The following ASAP1 variants were observed in gnomAD, a reference collection of about 807,000 sequenced individuals.
ASAP1 encodes the protein arf-GAP with SH3 domain, ANK repeat and PH domain-containing protein 1.
In ASAP1, 43 loss-of-function variants were observed where a neutral mutation model predicts 145.2. That is an observed-to-expected ratio of 0.30 (90% confidence interval 0.23 to 0.38). The LOEUF (loss-of-function observed/expected upper bound fraction) is 0.38. Among genes scored for constraint, ASAP1 ranks in the 10% least tolerant of loss-of-function variants. ASAP1 has a pLI of 1.00. For missense variants in ASAP1, 1,018 were observed against 1,355.3 expected, an observed-to-expected ratio of 0.75 and a Z score of 3.91; for synonymous variants, 546 against 515.5, an observed-to-expected ratio of 1.06 and a Z score of -0.80.
intron 3 of ASAP1, among the ~76,000 whole-genome samples, chr8:130,267,030 C>A (rs779992452): frequency 5.3e-5 from 8 of 151,040 alleles, no homozygotes; most frequent in Non-Finnish European, 1.0e-4. Context: ...ACCGCCGCCA[C>A]CCACCCCCTC....
At chr8:130,398,139 A>G (rs115252867) in intron 2 of ASAP1, among the ~76,000 whole-genome samples, 2 of 152,368 alleles carry the variant, frequency 1.3e-5, no homozygotes, top group African/African-American at 4.8e-5. Flanking sequence ...TTATTGACAT[A>G]TAAGATACAT....
chr8:130,167,138 T>C (rs1415941936), intron 11 of ASAP1, among the ~76,000 whole-genome samples: 2 of 151,934 alleles, frequency 1.3e-5, no homozygotes, highest in South Asian at 2.1e-4. Context: ...ACTCCATCTC[T>C]ACAAAAAATA....
chr8:130,283,465 A>G (rs1481370147), intron 3 of ASAP1, among the ~76,000 whole-genome samples: 4 of 151,988 alleles, frequency 2.6e-5, no homozygotes, highest in Non-Finnish European at 4.4e-5. Flanking sequence ...CTGTAGTCCC[A>G]GCTACTCAGG....
chr8:130,412,910 T>C (rs911519756), intron 1 of ASAP1, among the ~76,000 whole-genome samples: 1 of 152,140 alleles, frequency 6.6e-6, no homozygotes, highest in African/African-American at 2.4e-5. Context: ...TCCCAAAGTG[T>C]GAGGATTACA....
chr8:130,358,722 G>GCGCCCCGCCCCCGGCCCGGCCCCCGCCC lies in ASAP1; in HGVS notation c.60-607_60-580dup, dbSNP rs1826526449. Among the ~76,000 whole-genome samples, 3 of 13,008 alleles carry GCGCCCCGCCCCCGGCCCGGCCCCCGCCC rather than the reference G, an allele frequency of 2.3e-4. No homozygotes were observed. The highest frequency in any genetic ancestry group is 9.5e-4 in the African/African-American group (3 of 3,168). The allele number at this position is 13,008 out of a possible 152,430, so 8.5% of individuals were successfully genotyped here. On this transcript the variant is annotated intron_variant, in intron 2 of 29. Coordinates refer to ENST00000518721, the MANE Select transcript of ASAP1 (RefSeq NM_018482.4). This position sits in a 1 kb window ranked among gnomAD's most constrained non-coding sequence, Gnocchi z 4.1. Reference sequence around the variant, plus strand: ...CCGCCCCCCCGGTCCCTCCCCGCCCGCGCCCCGCCCCCGGCCCGGCCCCCG... The same window carrying GCGCCCCGCCCCCGGCCCGGCCCCCGCCC: ...CCGCCCCCCCGGTCCCTCCCCGCCCGCGCCCCGCCCCCGGCCCGGCCCCCGCCCCGCCCCGCCCCCGGCCCGGCCCCCG...
At chr8:130,271,785 G>C (rs925714010) in intron 3 of ASAP1, among the ~76,000 whole-genome samples, 2 of 152,056 alleles carry the variant, frequency 1.3e-5, no homozygotes, top group South Asian at 4.1e-4. Context: ...AGTCATCCCT[G>C]CTTCAAAAAT....
intron 3 of ASAP1, among the ~76,000 whole-genome samples, chr8:130,294,708 T>C (rs1822155626): frequency 6.6e-6 from 1 of 152,230 alleles, no homozygotes; most frequent in African/African-American, 2.4e-5. Flanking sequence ...GTCTTTCTCT[T>C]GGCTAATGAA....
chr8:130,230,936 C>T (rs532560144), intron 4 of ASAP1, among the ~76,000 whole-genome samples: 2 of 152,208 alleles, frequency 1.3e-5, no homozygotes, highest in Non-Finnish European at 2.9e-5. Flanking sequence ...GGTAAGACAC[C>T]GAACCTAATT....
At chr8:130,230,629 AATCTGTTTAG>A (rs138154604) in intron 4 of ASAP1, among the ~76,000 whole-genome samples, 2,291 of 152,230 alleles carry the variant, frequency 0.015, 37 homozygotes, top group East Asian at 0.026. Context: ...GGCCCAAAGA[AATCTGTTTAG>A]ATTTTGCTCA....
chr8:130,107,735 G>A (rs1210691888), intron 24 of ASAP1, among the ~76,000 whole-genome samples: 2 of 151,894 alleles, frequency 1.3e-5, no homozygotes, highest in African/African-American at 4.8e-5. Flanking sequence ...TTTTAGTAGA[G>A]ATAGGGTTTC....
At chr8:130,072,830 C>CGCGCGCGCGCGG (rs1448184178) in intron 27 of ASAP1, among the ~76,000 whole-genome samples, 5 of 31,928 alleles carry the variant, frequency 1.6e-4, no homozygotes, top group South Asian at 2.2e-3. Context: ...TGTGTGCGCG[C>CGCGCGCGCGCGG]GGGGGGGGGC....
At chr8:130,269,024 T>C (rs913630579) in intron 3 of ASAP1, among the ~76,000 whole-genome samples, 4 of 152,218 alleles carry the variant, frequency 2.6e-5, no homozygotes, top group Admixed American at 2.6e-4. Flanking sequence ...CTGTGGCTTG[T>C]ACATAAAACC....
chr8:130,131,953 T>C (rs964581498), intron 15 of ASAP1, among the ~76,000 whole-genome samples: 11 of 152,188 alleles, frequency 7.2e-5, no homozygotes, highest in Admixed American at 5.2e-4. Flanking sequence ...AAATAAAATA[T>C]TGAAGATCTG....
intron 3 of ASAP1, among the ~76,000 whole-genome samples, chr8:130,343,423 G>A (rs1433844680): frequency 6.6e-6 from 1 of 152,104 alleles, no homozygotes; most frequent in African/African-American, 2.4e-5. Flanking sequence ...AACTTATAAT[G>A]CACCAACACA....
chr8:130,232,170 A>G (rs1205929854), intron 4 of ASAP1, among the ~76,000 whole-genome samples: 2 of 152,222 alleles, frequency 1.3e-5, no homozygotes, highest in Non-Finnish European at 2.9e-5. Context: ...ATCACATGGC[A>G]TCACCTCTAC....
intron 27 of ASAP1, among the ~76,000 whole-genome samples, chr8:130,062,562 A>G (rs899723827): frequency 6.6e-6 from 1 of 152,190 alleles, no homozygotes; most frequent in Non-Finnish European, 1.5e-5. Context: ...GCTAGGGGGA[A>G]TCCCTGAGGT....
Position 130,145,103 on chromosome 8 carries a change from G to C in ASAP1, c.1080+7633C>G, listed in dbSNP as rs2097624909. ...ATGTGCTAGATAGTCATCCACGCAG[G>C]CATTTCTGCAAATATGTATTAAGTA... On this transcript the variant is annotated intron_variant, in intron 13 of 29. Transcript: ENST00000518721. 1.3e-5 allele frequency among the ~76,000 whole-genome samples: 2 copies of C among 152,142 alleles called. 1 individual carries two copies. Among genetic ancestry groups the C allele is most frequent in the South Asian group, 4.1e-4 (2 of 4,834 alleles).
In ASAP1 at chr8:130,318,169, C is replaced by T. The variant is rs533210131; in HGVS notation, c.186+39848G>A. ...CAGTCACAGCTCATTGTAGCCTTGACCGCCCAGGCTCAAGTAATCCTCCCA... is the reference window on the plus strand; with the variant it reads ...CAGTCACAGCTCATTGTAGCCTTGATCGCCCAGGCTCAAGTAATCCTCCCA... On this transcript the variant is annotated intron_variant, in intron 3 of 29. Coordinates refer to ENST00000518721, the MANE Select transcript of ASAP1 (RefSeq NM_018482.4). 2.6e-5 allele frequency among the ~76,000 whole-genome samples: 4 copies of T among 152,322 alleles called. No individual in the cohort carries two copies. The East Asian group carries it at 7.7e-4, about 29-fold the overall frequency.
At chr8:130,055,512 G>A (rs2097401941) in intron 29 of ASAP1, among the ~76,000 whole-genome samples, 1 of 148,466 alleles carries the variant, frequency 6.7e-6, no homozygotes, top group African/African-American at 2.5e-5. Flanking sequence ...TTCTCTTTGT[G>A]AGTAAAGTGT....
Sources: allele counts gnomAD v4.1 joint callset (sites outside exome capture counted in the v4.1 genomes callset), GRCh38; gene constraint gnomAD v4.1.1; non-coding constraint Gnocchi (gnomAD v3.1); transcripts MANE v1.5; gene names NCBI Gene and HGNC (gene_info 2026-07-23, HGNC 2026-07-21).